The following SLC1A1 variants were observed in gnomAD, a reference collection of about 807,000 sequenced individuals.
SLC1A1 encodes excitatory amino acid transporter 3.
A neutral mutation model predicts 53.3 loss-of-function variants in SLC1A1; 43 were observed. That is an observed-to-expected ratio of 0.81 (90% confidence interval 0.63 to 1.04). SLC1A1 has a LOEUF of 1.04. SLC1A1 is among the 50% of genes least tolerant of loss of function. SLC1A1 has a pLI of 0.00. For synonymous variants in SLC1A1, 307 were observed against 243.2 expected, an observed-to-expected ratio of 1.26 and a Z score of -2.44; for missense variants, 748 against 664.9, an observed-to-expected ratio of 1.12 and a Z score of -1.37.
At chr9:4,532,737 G>C (rs1451539778) in intron 1 of SLC1A1, among the ~76,000 whole-genome samples, 1 of 152,088 alleles carries the variant, frequency 6.6e-6, no homozygotes, top group Admixed American at 6.6e-5. Context: ...TCCTCGAGAA[G>C]AGCAACTCCA....
At chr9:4,548,993 A>G (rs1014144915) in intron 2 of SLC1A1, among the ~76,000 whole-genome samples, 7 of 152,184 alleles carry the variant, frequency 4.6e-5, no homozygotes, top group African/African-American at 1.7e-4. Context: ...AACAGGAAAT[A>G]GCTTATGAAT....
intron 2 of SLC1A1, among the ~76,000 whole-genome samples, chr9:4,546,610 G>A (rs374559096): frequency 4.7e-4 from 72 of 152,270 alleles, no homozygotes; most frequent in Middle Eastern, 6.8e-3. Flanking sequence ...CTGCCTGGCC[G>A]CCGTAAGGAT....
chr9:4,565,064 C>A (rs1206445915), intron 4 of SLC1A1, among the ~76,000 whole-genome samples: 2 of 152,142 alleles, frequency 1.3e-5, no homozygotes, highest in Admixed American at 6.5e-5. Context: ...TAGAACAGAG[C>A]ACCAAAACTT....
chr9:4,512,342 A>G (rs1296235055), intron 1 of SLC1A1, among the ~76,000 whole-genome samples: 2 of 152,012 alleles, frequency 1.3e-5, no homozygotes, highest in African/African-American at 2.4e-5. Flanking sequence ...GCAAAACTCT[A>G]CAAAAAAATA....
At chr9:4,584,177 G>A (rs868808369) in intron 11 of SLC1A1, among the ~76,000 whole-genome samples, 28 of 152,338 alleles carry the variant, frequency 1.8e-4, no homozygotes, top group Middle Eastern at 3.4e-3. Context: ...GGAAAGGGAA[G>A]CAGAGACATC....
At chr9:4,525,470 CA>C (rs1347146223) in intron 1 of SLC1A1, among the ~76,000 whole-genome samples, 1 of 152,044 alleles carries the variant, frequency 6.6e-6, no homozygotes, top group Non-Finnish European at 1.5e-5. Flanking sequence ...ACCCCCTCCT[CA>C]AAAGACAAGC....
rs1818345897 is a variant in SLC1A1, at chr9:4,556,031, C to T, written c.233-5418C>T. Among the ~76,000 whole-genome samples the T allele has an allele frequency of 6.6e-6, 1 of 150,608 alleles. No individual in the cohort carries two copies. Among genetic ancestry groups the T allele is most frequent in the Non-Finnish European group, 1.5e-5 (1 of 67,912 alleles). ...GAGATGGAGTTTCACTCCTGTTGCCCAGGCTGAAGTGCAGTGGCATGATAT... is the reference window on the plus strand; with the variant it reads ...GAGATGGAGTTTCACTCCTGTTGCCTAGGCTGAAGTGCAGTGGCATGATAT... On this transcript the variant is annotated intron_variant, in intron 2 of 11. Transcript: ENST00000262352. This position sits in a 1 kb window ranked among gnomAD's most constrained non-coding sequence, Gnocchi z 4.1.
intron 1 of SLC1A1, among the ~76,000 whole-genome samples, chr9:4,502,944 C>T (rs1320744138): frequency 1.3e-5 from 2 of 151,712 alleles, no homozygotes; most frequent in Non-Finnish European, 2.9e-5. Context: ...TCTAGTGAAA[C>T]TCATCTAGTT....
chr9:4,530,517 C>T (rs1399162244), intron 1 of SLC1A1, among the ~76,000 whole-genome samples: 1 of 152,168 alleles, frequency 6.6e-6, no homozygotes, highest in Admixed American at 6.5e-5. Flanking sequence ...AAATCCTACC[C>T]TAGAGAAACC....
intron 2 of SLC1A1, 59 bp from the exon 3 acceptor site, chr9:4,561,390 C>A: frequency 3.0e-6 from 3 of 1,006,572 alleles, no homozygotes; most frequent in East Asian, 2.4e-5. Flanking sequence ...GATTAAATCG[C>A]GGGTCCTGGA....
rs147379522 is a variant in SLC1A1, at chr9:4,561,358, G to A, written c.233-91G>A. On this transcript the variant is annotated intron_variant, in intron 2 of 11. Coordinates refer to ENST00000262352, the MANE Select transcript of SLC1A1 (RefSeq NM_004170.6). ...TGTCTGTAGATGAGAACGCCTCTCA[G>A]CTCTTTATTTCACAACCTGAGGATT... 4.8e-6 allele frequency: 4 copies of A among 827,240 alleles called. No homozygotes were observed. The South Asian group carries it at 5.3e-5, about 11-fold the overall frequency. The allele number at this position is 827,240 out of a possible 1,614,324, so 51.2% of individuals were successfully genotyped here.
At chr9:4,580,739 A>G (rs564968025) in intron 10 of SLC1A1, among the ~76,000 whole-genome samples, 1 of 151,734 alleles carries the variant, frequency 6.6e-6, no homozygotes, top group East Asian at 1.9e-4. Flanking sequence ...TAATAGTAGT[A>G]GTAGTAGTTG....
intron 11 of SLC1A1, among the ~76,000 whole-genome samples, chr9:4,584,754 G>A (rs1181372313): frequency 6.6e-6 from 1 of 152,096 alleles, no homozygotes. Context: ...ATCCATTCCT[G>A]GGCTGACCTG....
intron 1 of SLC1A1, among the ~76,000 whole-genome samples, chr9:4,510,260 G>T (rs1319169181): frequency 1.3e-5 from 2 of 152,142 alleles, no homozygotes. Context: ...GTTCACACAA[G>T]CCTAGCCCTA....
intron 7 of SLC1A1, among the ~76,000 whole-genome samples, chr9:4,573,271 G>C (rs1820231099): frequency 6.6e-6 from 1 of 152,136 alleles, no homozygotes; most frequent in Admixed American, 6.5e-5. Flanking sequence ...TGTAGATACT[G>C]ACAGTGATGT....
chr9:4,573,834 T>A, intron 7 of SLC1A1, 73 bp from the exon 8 acceptor site: 1 of 1,034,240 alleles, frequency 9.7e-7, no homozygotes, highest in Non-Finnish European at 1.5e-6. Context: ...CACTGGAGTG[T>A]TCCTTCCCCA....
At chr9:4,514,718 T>A (rs1241953815) in intron 1 of SLC1A1, among the ~76,000 whole-genome samples, 3 of 152,044 alleles carry the variant, frequency 2.0e-5, no homozygotes, top group African/African-American at 7.2e-5. Context: ...TGAAGGGGCT[T>A]TAAGCTGGAG....
chr9:4,525,601 A>C (rs1816231444), intron 1 of SLC1A1, among the ~76,000 whole-genome samples: 1 of 152,220 alleles, frequency 6.6e-6, no homozygotes, highest in Non-Finnish European at 1.5e-5. Flanking sequence ...AGAATAACTA[A>C]AGAAAAACAG....
intron 1 of SLC1A1, among the ~76,000 whole-genome samples, chr9:4,497,771 A>G (rs1342988164): frequency 3.9e-5 from 6 of 152,316 alleles, no homozygotes; most frequent in Non-Finnish European, 8.8e-5. Context: ...AAATAAAATG[A>G]GGCCATAAAG....
Sources: allele counts gnomAD v4.1 joint callset (sites outside exome capture counted in the v4.1 genomes callset), GRCh38; gene constraint gnomAD v4.1.1; non-coding constraint Gnocchi (gnomAD v3.1); transcripts MANE v1.5; gene names NCBI Gene and HGNC (gene_info 2026-07-23, HGNC 2026-07-21).